The following ARHGAP29 variants were observed in gnomAD, a reference collection of about 807,000 sequenced individuals.
ARHGAP29 encodes rho GTPase-activating protein 29.
In ARHGAP29, 43 loss-of-function variants were observed where a neutral mutation model predicts 122.6. The observed-to-expected ratio is 0.35, with a 90% CI of 0.27 to 0.45. The LOEUF (loss-of-function observed/expected upper bound fraction) is 0.45. Among genes scored for constraint, ARHGAP29 ranks in the 20% least tolerant of loss-of-function variants. ARHGAP29 has a pLI of 1.00. For synonymous variants in ARHGAP29, 506 were observed against 497.1 expected (o/e 1.02, Z -0.24); for missense variants, 1,303 against 1,477.2 (o/e 0.88, Z 1.93).
At chr1:94,242,238 T>C (rs1653616868), upstream of ARHGAP29, among the ~76,000 whole-genome samples, 1 of 151,822 alleles carries the variant, frequency 6.6e-6, no homozygotes, top group African/African-American at 2.4e-5. Flanking sequence ...TCAGCCAGAG[T>C]AGAGAGACCT....
In ARHGAP29 at chr1:94,179,837, G is replaced by A. The variant is rs766056158; in HGVS notation, c.2368C>T (p.Pro790Ser). Residue 790 changes from proline to serine, a missense_variant, in exon 20 of 23, where the codon CCA becomes TCA. Coordinates refer to ENST00000260526, the MANE Select transcript of ARHGAP29 (RefSeq NM_004815.4). ...CGGTTTATTTCTATACACATATTTG[G>A]CCATTTTTTGTCTTCAAGACTATTC... is the stretch of plus-strand genomic sequence containing the variant. ...KKNSLEDKKW[P>S]NMCIEINRIL... 1 of 1,613,146 alleles carries A rather than the reference G, an allele frequency of 6.2e-7. No homozygotes were observed. The highest frequency in any genetic ancestry group is 8.5e-7 in the Non-Finnish European group (1 of 1,179,530).
chr1:94,189,957 T>C lies in ARHGAP29; in HGVS notation c.1408A>G (p.Thr470Ala). Residue 470 changes from threonine to alanine, a missense_variant, in exon 13 of 23, where the codon ACA becomes GCA. Thr to Ala is a moderately conservative substitution (Grantham distance 58). Around this residue, in one of 3 missense-constraint regions of ARHGAP29, gnomAD observed 592 missense variants for 648.2 expected, o/e 0.91. Transcript: ENST00000260526. ...GQEYSEFVKA[T>A]NSTEEEKVDG... ...ACTTTTTCTTCTTCAGTTGAATTTG[T>C]GGCCTTGACAAATTCACTGTACTCT... 2 of 1,613,450 alleles carry C rather than the reference T, an allele frequency of 1.2e-6. No homozygotes were observed. The highest frequency in any genetic ancestry group is 1.7e-6 in the Non-Finnish European group (2 of 1,179,568).
chr1:94,180,378 A>G (rs1338910013), intron 19 of ARHGAP29, among the ~76,000 whole-genome samples: 1 of 152,236 alleles, frequency 6.6e-6, no homozygotes, highest in Non-Finnish European at 1.5e-5. Flanking sequence ...ATATGAGAGA[A>G]ACAGCAAGAA....
intron 1 of ARHGAP29, 65 bp downstream of exon 1, chr1:94,237,350 C>T: frequency 1.0e-6 from 1 of 971,290 alleles, no homozygotes; most frequent in East Asian, 1.2e-4. Flanking sequence ...GGCGCTCGCG[C>T]GGGCAACCCC....
intron 1 of ARHGAP29, among the ~76,000 whole-genome samples, chr1:94,253,636 A>ACACG (rs66700832): frequency 0.04 from 5,950 of 149,304 alleles, 188 homozygotes; most frequent in South Asian, 0.095. Context: ...TCTGGAACAC[A>ACACG]CACGCACGCA....
At chr1:94,247,777 GC>G in intron 1 of ARHGAP29, 1 of 438,220 alleles carries the variant, frequency 2.3e-6, no homozygotes, top group Non-Finnish European at 3.0e-6. Context: ...CGCCTGCCCC[GC>G]CCCTTGGAGC....
chr1:94,292,845 G>C, the ARHGAP29 span, among the ~76,000 whole-genome samples: 1 of 152,178 alleles, frequency 6.6e-6, no homozygotes, highest in Non-Finnish European at 1.5e-5. Flanking sequence ...TCTCAGCGGG[G>C]CATCTGCCTG....
Position 94,184,243 on chromosome 1 carries a change from A to T in ARHGAP29, c.2155T>A (p.Cys719Ser), listed in dbSNP as rs1265124751. The T allele has an allele frequency of 1.2e-6, 2 of 1,612,270 alleles. No individual in the cohort carries two copies. The highest frequency in any genetic ancestry group is 2.7e-5 in the African/African-American group (2 of 74,846). ...CGNKIKTEKL[C>S]QALENGMHLV... is the part of the protein sequence containing the mutation. ...TGCATTCCATTTTCCAAAGCTTGAC[A>T]CAATTTTTCAGTTTTTATTTTGTTT... is the stretch of plus-strand genomic sequence containing the variant. Residue 719 changes from cysteine (C) to serine (S), a missense_variant, in exon 19 of 23, where the codon TGT (cysteine) becomes AGT (serine). Physicochemically the swap from Cys to Ser is moderately radical, Grantham distance 112. Coordinates refer to ENST00000260526, the MANE Select transcript of ARHGAP29 (RefSeq NM_004815.4).
upstream of ARHGAP29, among the ~76,000 whole-genome samples, chr1:94,276,474 C>A (rs116519560): frequency 4.9e-3 from 745 of 150,602 alleles, 3 homozygotes; most frequent in African/African-American, 0.017. Flanking sequence ...ATTAGGAAGT[C>A]CTGAGTCTCA....
chr1:94,235,324 C>CG (rs1197360063), intron 1 of ARHGAP29, among the ~76,000 whole-genome samples: 1 of 152,072 alleles, frequency 6.6e-6, no homozygotes, highest in East Asian at 1.9e-4. Context: ...TTCTCATGCG[C>CG]GAAAATGAAT....
chr1:94,253,659 C>CGCAT (rs1491501327), intron 1 of ARHGAP29, among the ~76,000 whole-genome samples: 49 of 152,106 alleles, frequency 3.2e-4, no homozygotes, highest in Non-Finnish European at 5.7e-4. Flanking sequence ...CACGCACGCA[C>CGCAT]GCACGCACGC....
At chr1:94,241,730 A>G (rs928043328), upstream of ARHGAP29, among the ~76,000 whole-genome samples, 1 of 131,502 alleles carries the variant, frequency 7.6e-6, no homozygotes, top group African/African-American at 2.8e-5. Context: ...TATATAATAT[A>G]TATTTATATA....
At chr1:94,271,252 A>T (rs932284113) in intron 1 of ARHGAP29, among the ~76,000 whole-genome samples, 3 of 152,022 alleles carry the variant, frequency 2.0e-5, no homozygotes, top group Non-Finnish European at 4.4e-5. Context: ...TTTCTATGAC[A>T]GTAAGCAAGT....
chr1:94,236,416 T>C (rs1213350686), intron 1 of ARHGAP29, among the ~76,000 whole-genome samples: 1 of 152,006 alleles, frequency 6.6e-6, no homozygotes, highest in Non-Finnish European at 1.5e-5. Flanking sequence ...GAGGGAAGAA[T>C]GGAGCAACCA....
At chr1:94,218,668 T>A (rs533037133) in intron 3 of ARHGAP29, among the ~76,000 whole-genome samples, 34 of 152,314 alleles carry the variant, frequency 2.2e-4, no homozygotes, top group Admixed American at 6.5e-4. Flanking sequence ...ACTAAGCACA[T>A]TTTTAAAAGT....
In ARHGAP29 at chr1:94,171,644, C is replaced by T. The variant is rs1406879951; in HGVS notation, c.*2225G>A. 6.6e-6 allele frequency: 1 copy of T among 152,180 alleles called. No individual in the cohort carries two copies. The highest frequency in any genetic ancestry group is 1.5e-5 in the Non-Finnish European group (1 of 68,052). The allele number at this position is 152,180 out of a possible 1,614,324, so 9.4% of individuals were successfully genotyped here. ...GCAACCTCTTCTCAAGAGATACTTGCCTCAGGGCCCCAGGAAACTAGAAAG... is the reference window on the plus strand; with the variant it reads ...GCAACCTCTTCTCAAGAGATACTTGTCTCAGGGCCCCAGGAAACTAGAAAG... On this transcript the variant is annotated 3_prime_UTR_variant, in exon 23 of 23. Transcript: ENST00000260526.
At chr1:94,239,840 G>A (rs2100673752), upstream of ARHGAP29, among the ~76,000 whole-genome samples, 2 of 152,202 alleles carry the variant, frequency 1.3e-5, no homozygotes, top group Non-Finnish European at 2.9e-5. Context: ...TTATTTTTCA[G>A]ACTTAATTTT....
At chr1:94,220,178 T>C (rs1570562005) in intron 3 of ARHGAP29, 80 bp downstream of exon 3, 8 of 1,473,566 alleles carry the variant, frequency 5.4e-6, no homozygotes, top group South Asian at 1.2e-5. Context: ...AGGAATTGGC[T>C]ATATATTCAC....
intron 1 of ARHGAP29, among the ~76,000 whole-genome samples, chr1:94,262,381 T>G (rs560035279): frequency 3.0e-4 from 46 of 152,156 alleles, no homozygotes; most frequent in African/African-American, 1.1e-3. Flanking sequence ...CAAAAGCTAT[T>G]GCAACGAAAG....
Sources: gnomAD v4.1 joint callset for allele counts (sites outside exome capture counted in the v4.1 genomes callset) on GRCh38, gnomAD v4.1.1 for gene constraint, gnomAD v4.1.1 regional missense constraint, MANE v1.5 for transcripts, NCBI Gene and HGNC (gene_info 2026-07-23, HGNC 2026-07-21) for gene names.